The following STPG2 variants were observed in gnomAD, a reference collection of about 807,000 sequenced individuals.
STPG2 encodes sperm-tail PG-rich repeat-containing protein 2.
Under a neutral mutation model 54.2 loss-of-function variants are expected in STPG2, and 56 were observed. The ratio of observed to expected loss-of-function variants is 1.03; its 90% CI spans 0.83 to 1.29. The LOEUF (loss-of-function observed/expected upper bound fraction) is 1.29, where lower values mean the gene tolerates loss of function less well. Among genes scored for constraint, STPG2 ranks in the 50% most tolerant of loss-of-function variants. STPG2 has a pLI of 0.00. For synonymous variants in STPG2, 200 were observed against 181.8 expected, an observed-to-expected ratio of 1.10 and a Z score of -0.81; for missense variants, 596 against 544.9, an observed-to-expected ratio of 1.09 and a Z score of -0.93.
At chr4:98,017,370 G>A (rs1314063312) in intron 5 of STPG2, among the ~76,000 whole-genome samples, 3 of 152,242 alleles carry the variant, frequency 2.0e-5, no homozygotes, top group Admixed American at 2.0e-4. Flanking sequence ...CTGGTGCTAT[G>A]ACAAGCTTGA....
At chr4:98,114,014 G>A (rs1386276188) in intron 3 of STPG2, among the ~76,000 whole-genome samples, 4 of 151,234 alleles carry the variant, frequency 2.6e-5, no homozygotes, top group African/African-American at 9.8e-5. Context: ...AAAGAGCACG[G>A]AGAAACCCTA....
rs185831784 is a variant in STPG2, at chr4:97,970,321, T to C, written c.933+1959A>G. Reference sequence around the variant, plus strand: ...TGGAAAAAAACTATTTTAAAGCTCATATGGAACCAAAAAAGAGCCTGCATT... The same window carrying C: ...TGGAAAAAAACTATTTTAAAGCTCACATGGAACCAAAAAAGAGCCTGCATT... On this transcript the variant is annotated intron_variant, in intron 7 of 10. Transcript: ENST00000295268. Among the ~76,000 whole-genome samples, 23 of 152,276 alleles carry C rather than the reference T, an allele frequency of 1.5e-4. 1 individual carries two copies. In the East Asian group the frequency reaches 4.4e-3, roughly 29 times the overall value.
intron 10 of STPG2, among the ~76,000 whole-genome samples, chr4:97,624,464 T>C (rs1734089551): frequency 6.6e-6 from 1 of 152,194 alleles, no homozygotes. Flanking sequence ...CACTATTTAA[T>C]GGGGTTGTTC....
At chr4:98,023,755 T>C (rs10017598) in intron 5 of STPG2, among the ~76,000 whole-genome samples, 59,647 of 151,682 alleles carry the variant, frequency 0.39, 11,921 homozygotes, top group Middle Eastern at 0.47. Flanking sequence ...CCCCCAGCCT[T>C]GCTGCCACCT....
chr4:97,836,282 T>G (rs1350696836), intron 9 of STPG2, among the ~76,000 whole-genome samples: 5 of 151,906 alleles, frequency 3.3e-5, no homozygotes, highest in African/African-American at 1.2e-4. Context: ...GTAACCAAAA[T>G]TCTGACTATT....
intron 10 of STPG2, among the ~76,000 whole-genome samples, chr4:97,656,501 A>T (rs1722223109): frequency 2.0e-5 from 3 of 151,918 alleles, no homozygotes; most frequent in Non-Finnish European, 2.9e-5. Flanking sequence ...CTTATATAAC[A>T]AGTCATTGTT....
chr4:97,498,825 TA>T (rs561306116), intron 4 of STPG2, among the ~76,000 whole-genome samples: 13 of 148,550 alleles, frequency 8.8e-5, no homozygotes, highest in Non-Finnish European at 1.2e-4. Context: ...TTTAACAAAA[TA>T]AAAAAAAAGT....
intron 4 of STPG2, among the ~76,000 whole-genome samples, chr4:97,493,837 A>T (rs1359277435): frequency 2.6e-5 from 4 of 151,578 alleles, no homozygotes; most frequent in Non-Finnish European, 4.4e-5. Flanking sequence ...TCACCCCCTA[A>T]CAAACAACTA....
intron 5 of STPG2, among the ~76,000 whole-genome samples, chr4:98,048,361 T>G (rs1737206771): frequency 1.3e-5 from 2 of 152,224 alleles, no homozygotes; most frequent in Admixed American, 6.5e-5. Flanking sequence ...AAGCAACTAA[T>G]CCTATCTGAA....
intron 4 of STPG2, among the ~76,000 whole-genome samples, chr4:97,510,740 T>C (rs1468000492): frequency 6.6e-6 from 1 of 152,144 alleles, no homozygotes; most frequent in Non-Finnish European, 1.5e-5. Flanking sequence ...TTTGTGCCCC[T>C]GTATGTTGAA....
chr4:97,945,030 T>C lies in STPG2; in HGVS notation c.934-1023A>G, dbSNP rs532058752. The stretch of plus-strand genomic sequence containing the variant: ...TATTTTTGTGTAGTTTTTAAATTGT[T>C]TGAAGCTGAAAAATAACTTATTTTT... On this transcript the variant is annotated intron_variant, in intron 7 of 10. Coordinates refer to ENST00000295268, the MANE Select transcript of STPG2 (RefSeq NM_174952.3). Among the ~76,000 whole-genome samples, 5 of 152,314 alleles carry C rather than the reference T, an allele frequency of 3.3e-5. No homozygotes were observed. In the South Asian group the frequency reaches 1.0e-3, roughly 32 times the overall value.
chr4:97,608,063 C>T (rs1296809574), intron 10 of STPG2, among the ~76,000 whole-genome samples: 2 of 151,988 alleles, frequency 1.3e-5, no homozygotes, highest in African/African-American at 2.4e-5. Flanking sequence ...CAAGGAGAAG[C>T]TCAAGTTAAA....
intron 8 of STPG2, among the ~76,000 whole-genome samples, chr4:97,873,886 C>A (rs568117598): frequency 3.4e-4 from 52 of 151,464 alleles, no homozygotes; most frequent in African/African-American, 1.2e-3. Context: ...GTTCACAGCA[C>A]CTTTTTATTT....
At chr4:97,953,779 T>G (rs1733561073) in intron 7 of STPG2, among the ~76,000 whole-genome samples, 1 of 152,354 alleles carries the variant, frequency 6.6e-6, no homozygotes, top group African/African-American at 2.4e-5. Flanking sequence ...GGAAGAAGTT[T>G]TTCACATGGC....
intron 10 of STPG2, among the ~76,000 whole-genome samples, chr4:97,611,474 G>A (rs1733729100): frequency 6.6e-6 from 1 of 151,860 alleles, no homozygotes; most frequent in Non-Finnish European, 1.5e-5. Flanking sequence ...AGCAAGTTTG[G>A]TTTATTCCAA....
intron 7 of STPG2, among the ~76,000 whole-genome samples, chr4:97,955,291 G>A (rs1020036683): frequency 6.7e-6 from 1 of 149,764 alleles, no homozygotes; most frequent in Non-Finnish European, 1.5e-5. Flanking sequence ...CTCGGCTCAC[G>A]GCTTGCTCCA....
At chr4:97,572,749 A>G (rs1732631322) in intron 10 of STPG2, 1 of 152,124 alleles carries the variant, frequency 6.6e-6, no homozygotes, top group Non-Finnish European at 1.5e-5. Flanking sequence ...TACATTTAGC[A>G]CTGAACACTA....
intron 9 of STPG2, among the ~76,000 whole-genome samples, chr4:97,834,922 G>A (rs998594608): frequency 1.3e-5 from 2 of 152,100 alleles, no homozygotes; most frequent in African/African-American, 4.8e-5. Flanking sequence ...AGTTACAGAA[G>A]ATGGATCTTC....
intron 9 of STPG2, among the ~76,000 whole-genome samples, chr4:97,831,809 G>A (rs1177498792): frequency 6.6e-6 from 1 of 152,088 alleles, no homozygotes; most frequent in Non-Finnish European, 1.5e-5. Flanking sequence ...ACCTTTCCAA[G>A]TCTAAACCAG....
Sources: allele counts gnomAD v4.1 joint callset (sites outside exome capture counted in the v4.1 genomes callset), GRCh38; gene constraint gnomAD v4.1.1; transcripts MANE v1.5; gene names NCBI Gene and HGNC (gene_info 2026-07-23, HGNC 2026-07-21).